FAM227B: variants seen among roughly 807,000 people sequenced by gnomAD.
FAM227B encodes protein FAM227B.
In FAM227B, 88 loss-of-function variants were observed where a neutral mutation model predicts 73.8. That is an observed-to-expected ratio of 1.19 (90% confidence interval 1.00 to 1.42). The LOEUF (loss-of-function observed/expected upper bound fraction) is 1.42, where lower values mean the gene tolerates loss of function less well. Among genes scored for constraint, FAM227B ranks in the 40% most tolerant of loss-of-function variants. The pLI, the probability that FAM227B is intolerant of heterozygous loss-of-function variation, is 0.00. For missense variants in FAM227B, 632 were observed against 590.9 expected (o/e 1.07, Z -0.72); for synonymous variants, 210 against 190.5 (o/e 1.10, Z -0.84).
intron 11 of FAM227B, among the ~76,000 whole-genome samples, chr15:49,462,849 T>C (rs2053928076): frequency 6.6e-6 from 1 of 152,104 alleles, no homozygotes; most frequent in Admixed American, 6.5e-5. Context: ...TGATAAATTA[T>C]AAACGATATT....
intron 11 of FAM227B, among the ~76,000 whole-genome samples, chr15:49,378,978 C>T (rs2046347007): frequency 6.6e-6 from 1 of 151,876 alleles, no homozygotes; most frequent in Non-Finnish European, 1.5e-5. Flanking sequence ...CTGCTATTCC[C>T]AGTTTTTTGA....
intron 11 of FAM227B, chr15:49,422,709 T>C (rs2049791817): frequency 7.9e-7 from 1 of 1,269,850 alleles, no homozygotes. Flanking sequence ...TCTTCTCACT[T>C]TCAGCCTAGG....
intron 13 of FAM227B, chr15:49,366,461 A>G (rs1032636759): frequency 5.0e-6 from 5 of 996,958 alleles, no homozygotes; most frequent in African/African-American, 1.6e-5. Context: ...AACATCAGAA[A>G]GGTTGCATAG....
intron 11 of FAM227B, among the ~76,000 whole-genome samples, chr15:49,430,222 G>T (rs1465056406): frequency 6.6e-6 from 1 of 151,908 alleles, no homozygotes; most frequent in East Asian, 1.9e-4. Flanking sequence ...TAGCTGCAGG[G>T]AAGAATAGGT....
intron 13 of FAM227B, among the ~76,000 whole-genome samples, chr15:49,338,315 A>G (rs1194176490): frequency 6.6e-6 from 1 of 152,190 alleles, no homozygotes; most frequent in African/African-American, 2.4e-5. Flanking sequence ...CTTGGAGGGC[A>G]GGCCTGGTGG....
At chr15:49,593,777 T>A (rs1364312308) in intron 3 of FAM227B, among the ~76,000 whole-genome samples, 1 of 152,262 alleles carries the variant, frequency 6.6e-6, no homozygotes, top group Non-Finnish European at 1.5e-5. Context: ...TGGTTCCTTT[T>A]TATGGCTGAG....
At chr15:49,417,619 T>G (rs1445189665) in intron 11 of FAM227B, among the ~76,000 whole-genome samples, 1 of 152,196 alleles carries the variant, frequency 6.6e-6, no homozygotes, top group Admixed American at 6.5e-5. Context: ...GCTAGTCATA[T>G]GAAGCAGACT....
At chr15:49,526,815 T>A (rs2060239852) in intron 10 of FAM227B, among the ~76,000 whole-genome samples, 1 of 151,914 alleles carries the variant, frequency 6.6e-6, no homozygotes, top group Non-Finnish European at 1.5e-5. Flanking sequence ...ATAAATTTTG[T>A]GGAATATACA....
At chr15:49,482,951 G>A (rs2413949) in intron 11 of FAM227B, among the ~76,000 whole-genome samples, 4 of 151,742 alleles carry the variant, frequency 2.6e-5, no homozygotes, top group Admixed American at 1.3e-4. Context: ...AAAAACCATC[G>A]GTTTGCACTT....
At chr15:49,510,010 C>G (rs59482393) in intron 10 of FAM227B, among the ~76,000 whole-genome samples, 4,362 of 152,090 alleles carry the variant, frequency 0.029, 221 homozygotes, top group African/African-American at 0.1. Context: ...CACACATCCC[C>G]AAGACCATAT....
rs559458049 is a variant in FAM227B at position 49,549,949 on chromosome 15, G to A, written c.748-8143C>T. Among the ~76,000 whole-genome samples the A allele has an allele frequency of 1.5e-3, 208 of 139,646 alleles. 2 individuals are homozygous for A. Among genetic ancestry groups the A allele is most frequent in the African/African-American group, 5.1e-3 (206 of 40,216 alleles). The allele number at this position is 139,646 out of a possible 152,430, so 91.6% of individuals were successfully genotyped here. Reference sequence around the variant, plus strand: ...ACCTCCCTCCCGGATGGGGCGGCTGGCCGGGCGGGGGGCTGACCCCCCCAC... The same window carrying A: ...ACCTCCCTCCCGGATGGGGCGGCTGACCGGGCGGGGGGCTGACCCCCCCAC... On this transcript the variant is annotated intron_variant, in intron 9 of 15. Coordinates refer to ENST00000299338, the MANE Select transcript of FAM227B (RefSeq NM_152647.3).
At chr15:49,472,704 CAAAG>C (rs2054887960) in intron 11 of FAM227B, among the ~76,000 whole-genome samples, 1 of 151,496 alleles carries the variant, frequency 6.6e-6, no homozygotes, top group Non-Finnish European at 1.5e-5. Flanking sequence ...ACTTAAGGGG[CAAAG>C]ATATGACAAG....
At chr15:49,330,172 C>T (rs1476134296) in intron 15 of FAM227B, 2 of 152,200 alleles carry the variant, frequency 1.3e-5, no homozygotes, top group Non-Finnish European at 2.9e-5. Context: ...TGCAGATGAG[C>T]AAAGCCTATG....
chr15:49,374,702 C>T (rs914201198), intron 11 of FAM227B, among the ~76,000 whole-genome samples: 1 of 152,142 alleles, frequency 6.6e-6, no homozygotes, highest in Admixed American at 6.5e-5. Flanking sequence ...ACCACCATGG[C>T]CAGCTGATTT....
intron 13 of FAM227B, among the ~76,000 whole-genome samples, chr15:49,341,144 C>G (rs1191430272): frequency 6.6e-6 from 1 of 152,118 alleles, no homozygotes; most frequent in Admixed American, 6.5e-5. Flanking sequence ...TGTACCAGTA[C>G]CATGCTGTTT....
rs566400256 is a variant in FAM227B at position 49,501,542 on chromosome 15, G to A, written c.1012+6669C>T. Among the ~76,000 whole-genome samples, 12 of 152,260 alleles carry A rather than the reference G, an allele frequency of 7.9e-5. No individual in the cohort carries two copies. In the East Asian group the frequency reaches 1.9e-3, roughly 25 times the overall value. The stretch of plus-strand genomic sequence containing the variant: ...GTAACCCTGGCTGCTTGCAACAGAC[G>A]ACACTCAGATGCAGGAGCAAAGAAA... On this transcript the variant is annotated intron_variant, in intron 11 of 15. Coordinates refer to ENST00000299338, the MANE Select transcript of FAM227B (RefSeq NM_152647.3).
intron 11 of FAM227B, among the ~76,000 whole-genome samples, chr15:49,381,038 T>C (rs773221497): frequency 7.2e-5 from 11 of 152,144 alleles, no homozygotes; most frequent in Non-Finnish European, 1.6e-4. Context: ...CCATGTGTCA[T>C]CTGGTGAGAA....
At chr15:49,592,828 G>C in intron 3 of FAM227B, among the ~76,000 whole-genome samples, 1 of 152,252 alleles carries the variant, frequency 6.6e-6, no homozygotes. Context: ...GCCTTGCTGA[G>C]CTGCAGTGGG....
chr15:49,351,350 G>T (rs2042215146), intron 13 of FAM227B, among the ~76,000 whole-genome samples: 1 of 152,150 alleles, frequency 6.6e-6, no homozygotes, highest in Non-Finnish European at 1.5e-5. Flanking sequence ...GGAAGATACG[G>T]AAAGAAGATA....
Sources: gnomAD v4.1 joint callset for allele counts (sites outside exome capture counted in the v4.1 genomes callset) on GRCh38, gnomAD v4.1.1 for gene constraint, MANE v1.5 for transcripts, NCBI Gene and HGNC (gene_info 2026-07-23, HGNC 2026-07-21) for gene names.